PTPRN2: variants seen among roughly 807,000 people sequenced by gnomAD.
PTPRN2 encodes the protein receptor-type tyrosine-protein phosphatase N2.
A neutral mutation model predicts 118.8 loss-of-function variants in PTPRN2; 74 were observed. The ratio of observed to expected loss-of-function variants is 0.62; its 90% confidence interval spans 0.52 to 0.76. The LOEUF (loss-of-function observed/expected upper bound fraction) is 0.76, where lower values mean the gene tolerates loss of function less well. Ranked by LOEUF, PTPRN2 falls within the 30% of genes least tolerant of loss-of-function variation. The pLI, the probability that PTPRN2 is intolerant of heterozygous loss-of-function variation, is 0.00. For missense variants in PTPRN2, 1,481 were observed against 1,394.4 expected (o/e 1.06, Z -0.99); for synonymous variants, 641 against 608.0 (o/e 1.05, Z -0.80).
intron 5 of PTPRN2, among the ~76,000 whole-genome samples, chr7:158,186,441 C>A (rs1473798060): frequency 6.6e-6 from 1 of 152,200 alleles, no homozygotes; most frequent in Admixed American, 6.5e-5. Flanking sequence ...CTACGTCCAT[C>A]GTACACCTGC....
At chr7:158,226,882 A>G (rs1585903561) in intron 3 of PTPRN2, among the ~76,000 whole-genome samples, 1 of 152,242 alleles carries the variant, frequency 6.6e-6, no homozygotes, top group Non-Finnish European at 1.5e-5. Context: ...AGGGTCATTA[A>G]TGGGCTGTGG....
intron 12 of PTPRN2, among the ~76,000 whole-genome samples, chr7:157,710,275 G>A (rs192851796): frequency 4.4e-4 from 67 of 152,230 alleles, no homozygotes; most frequent in South Asian, 6.2e-4. Flanking sequence ...CTCAGCACAC[G>A]GACTTCTGAT....
intron 5 of PTPRN2, among the ~76,000 whole-genome samples, chr7:158,187,099 C>T (rs778191401): frequency 2.6e-5 from 4 of 152,174 alleles, no homozygotes; most frequent in Non-Finnish European, 5.9e-5. Context: ...ATGCAGAAGT[C>T]GTAACGACAC....
chr7:157,712,686 G>A (rs1172335292), intron 12 of PTPRN2, among the ~76,000 whole-genome samples: 1 of 151,358 alleles, frequency 6.6e-6, no homozygotes, highest in Admixed American at 6.6e-5. Context: ...AGGAGGTGGA[G>A]GTTGCGGCTA....
intron 6 of PTPRN2, among the ~76,000 whole-genome samples, chr7:158,157,366 C>T (rs1399044203): frequency 1.3e-5 from 2 of 152,268 alleles, no homozygotes; most frequent in Admixed American, 6.5e-5. Context: ...AGCTGGCTTA[C>T]AGCAGCATGG....
chr7:158,201,845 G>T (rs991139408), intron 4 of PTPRN2, among the ~76,000 whole-genome samples: 2 of 152,154 alleles, frequency 1.3e-5, no homozygotes, highest in Non-Finnish European at 2.9e-5. Flanking sequence ...CCAAACCAAT[G>T]TATTTGATTG....
In PTPRN2 at chr7:158,162,089, T is replaced by A. The variant is rs996314508; in HGVS notation, c.910+4842A>T. Among the ~76,000 whole-genome samples, 27 of 152,188 alleles carry A rather than the reference T, an allele frequency of 1.8e-4. 1 individual carries two copies. In the East Asian group the frequency reaches 3.7e-3, roughly 21 times the overall value. ...AACCCAGAACATTGACAACACCCAA[T>A]GCAGGCGAGGATGTGGAGCAACAGC... On this transcript the variant is annotated intron_variant, in intron 6 of 22. Transcript: ENST00000389418.
chr7:158,436,683 A>T (rs1816595689), intron 2 of PTPRN2, among the ~76,000 whole-genome samples: 1 of 152,238 alleles, frequency 6.6e-6, no homozygotes, highest in Admixed American at 6.5e-5. Flanking sequence ...ATTTCCAGGG[A>T]GTAGAGAACT....
At chr7:158,450,682 C>T (rs1056607284) in intron 2 of PTPRN2, among the ~76,000 whole-genome samples, 1 of 152,170 alleles carries the variant, frequency 6.6e-6, no homozygotes, top group Non-Finnish European at 1.5e-5. Context: ...TGATCCGAGT[C>T]GCCCCGTCAT....
chr7:157,582,839 A>G (rs1800470241), intron 17 of PTPRN2, among the ~76,000 whole-genome samples: 1 of 151,260 alleles, frequency 6.6e-6, no homozygotes, highest in Non-Finnish European at 1.5e-5. Flanking sequence ...GTGTCATTGC[A>G]CTCCAGCCTG....
intron 3 of PTPRN2, among the ~76,000 whole-genome samples, chr7:158,312,880 ATG>A (rs898103007): frequency 8.8e-5 from 13 of 148,444 alleles, no homozygotes; most frequent in African/African-American, 3.4e-4. Flanking sequence ...ACACATGAGC[ATG>A]TGTGTGTGCA....
In PTPRN2 at chr7:157,615,335, G is replaced by A. The variant is rs533807163; in HGVS notation, c.2344+6027C>T. Reference sequence around the variant, plus strand: ...GCGGCTGGGTCTGCGCTGGGGTAGTGTAGGCTGCACTCTCCGGGGAGCCGC... The same window carrying A: ...GCGGCTGGGTCTGCGCTGGGGTAGTATAGGCTGCACTCTCCGGGGAGCCGC... On this transcript the variant is annotated intron_variant, in intron 15 of 22. Coordinates refer to ENST00000389418, the MANE Select transcript of PTPRN2 (RefSeq NM_002847.5). This position sits in a 1 kb window ranked among gnomAD's most constrained non-coding sequence, Gnocchi z 4.3. The A allele has an allele frequency of 2.4e-6, 1 of 419,040 alleles. No individual in the cohort carries two copies. Among genetic ancestry groups the A allele is most frequent in the South Asian group, 1.8e-5 (1 of 55,756 alleles). The allele number at this position is 419,040 out of a possible 1,614,324, so 26.0% of individuals were successfully genotyped here.
chr7:158,261,756 C>G (rs1264136821), intron 3 of PTPRN2, among the ~76,000 whole-genome samples: 1 of 152,238 alleles, frequency 6.6e-6, no homozygotes, highest in Non-Finnish European at 1.5e-5. Flanking sequence ...GCAGAAGCCT[C>G]TTCAGGGCAC....
chr7:157,604,464 G>A (rs1801885146), intron 15 of PTPRN2, among the ~76,000 whole-genome samples: 2 of 152,238 alleles, frequency 1.3e-5, no homozygotes, highest in Admixed American at 1.3e-4. Context: ...CCCACGTGGA[G>A]TTCACACACC....
At chr7:157,750,543 C>T (rs1801400951) in intron 12 of PTPRN2, among the ~76,000 whole-genome samples, 1 of 152,230 alleles carries the variant, frequency 6.6e-6, no homozygotes, top group Admixed American at 6.5e-5. Context: ...CAGGGACCCC[C>T]TGCCAATATC....
intron 2 of PTPRN2, among the ~76,000 whole-genome samples, chr7:158,344,519 A>G (rs1375813161): frequency 7.0e-6 from 1 of 142,104 alleles, no homozygotes; most frequent in Non-Finnish European, 1.6e-5. Flanking sequence ...GCCGGCATTT[A>G]ATACAAGACA....
intron 5 of PTPRN2, 84 bp downstream of exon 5, chr7:158,192,243 G>T: frequency 7.5e-7 from 1 of 1,331,314 alleles, no homozygotes; most frequent in Non-Finnish European, 9.8e-7. Flanking sequence ...GCCAAGAGGA[G>T]CCAGCGACTA....
At chr7:158,091,827 A>G (rs78995201) in intron 10 of PTPRN2, among the ~76,000 whole-genome samples, 5,235 of 24,500 alleles carry the variant, frequency 0.21, 252 homozygotes, top group East Asian at 0.39. Context: ...TGGTTGGGTG[A>G]GTGGATGGGT....
intron 2 of PTPRN2, among the ~76,000 whole-genome samples, chr7:158,380,051 T>TC (rs1436002754): frequency 6.6e-6 from 1 of 152,014 alleles, no homozygotes; most frequent in Non-Finnish European, 1.5e-5. Flanking sequence ...TTCCAACGGG[T>TC]CCCTCCCACA....
Sources: allele counts gnomAD v4.1 joint callset (sites outside exome capture counted in the v4.1 genomes callset), GRCh38; gene constraint gnomAD v4.1.1; non-coding constraint Gnocchi (gnomAD v3.1); transcripts MANE v1.5; gene names NCBI Gene and HGNC (gene_info 2026-07-23, HGNC 2026-07-21).